Variants in ROCK2 observed in about 807,000 individuals in gnomAD.
ROCK2 encodes Rho associated coiled-coil containing protein kinase 2, also known as rho-associated protein kinase 2.
A neutral mutation model predicts 195.1 loss-of-function variants in ROCK2; 61 were observed. The observed-to-expected ratio is 0.31, with a 90% CI of 0.25 to 0.39. The LOEUF (loss-of-function observed/expected upper bound fraction) is 0.39, where lower values mean the gene tolerates loss of function less well. Ranked by LOEUF, ROCK2 falls within the 10% of genes least tolerant of loss-of-function variation. ROCK2 has a pLI of 1.00. For missense variants in ROCK2, 1,109 were observed against 1,637.4 expected (o/e 0.68, Z 5.57); for synonymous variants, 504 against 545.5 (o/e 0.92, Z 1.06).
At chr2:11,338,229 T>C (rs1012194232) in intron 1 of ROCK2, among the ~76,000 whole-genome samples, 2 of 152,014 alleles carry the variant, frequency 1.3e-5, no homozygotes, top group Non-Finnish European at 2.9e-5. Flanking sequence ...CACAGGCCTG[T>C]AGTCCCTACT....
intron 3 of ROCK2, among the ~76,000 whole-genome samples, chr2:11,259,646 T>C (rs1431686229): frequency 2.1e-5 from 2 of 97,502 alleles, no homozygotes; most frequent in Admixed American, 1.3e-4. Flanking sequence ...TTTTAAATTG[T>C]GTAAAAGTAT....
At chr2:11,316,534 G>A (rs1248762667) in intron 1 of ROCK2, among the ~76,000 whole-genome samples, 1 of 152,092 alleles carries the variant, frequency 6.6e-6, no homozygotes, top group Non-Finnish European at 1.5e-5. Context: ...CATAAACAAA[G>A]ACTTAATTCT....
In ROCK2 at chr2:11,344,336, A is replaced by AGCCCG. The variant is rs76229353; in HGVS notation, c.-205_-201dup. 0.45 allele frequency: 514,441 copies of AGCCCG among 1,148,358 alleles called. 116,182 individuals carry two copies. The highest frequency in any genetic ancestry group is 0.51 in the Admixed American group (10,934 of 21,558). The allele number at this position is 1,148,358 out of a possible 1,614,324, so 71.1% of individuals were successfully genotyped here. A position where few individuals can be genotyped will look rare whatever the true frequency, so the allele number is the denominator to read the frequency against. On this transcript the variant is annotated 5_prime_UTR_variant, in exon 1 of 33. Coordinates refer to ENST00000315872, the MANE Select transcript of ROCK2 (RefSeq NM_004850.5). The surrounding 1 kb of genome is among the most constrained non-coding windows in gnomAD (Gnocchi z 5.4). ...GGGCCCGCCCGGCCCAGCCCGGCCC[A>AGCCCG]GCCCGGCCCGGCCCTGCCGGGAGCG...
In ROCK2 at chr2:11,251,760, T is replaced by C. The variant is rs561257473; in HGVS notation, c.325-1962A>G. Among the ~76,000 whole-genome samples, 8 of 152,064 alleles carry C rather than the reference T, an allele frequency of 5.3e-5. No individual in the cohort carries two copies. The East Asian group carries it at 1.5e-3, about 29-fold the overall frequency. The stretch of plus-strand genomic sequence containing the variant: ...AATGGGAGAAAATTTTTGCAATCTA[T>C]CCAGCTGACAAAGGGCTAATAACCA... On this transcript the variant is annotated intron_variant, in intron 3 of 32. Coordinates refer to ENST00000315872, the MANE Select transcript of ROCK2 (RefSeq NM_004850.5).
At chr2:11,205,637 G>T (rs1664023693) in intron 20 of ROCK2, among the ~76,000 whole-genome samples, 1 of 145,986 alleles carries the variant, frequency 6.8e-6, no homozygotes, top group African/African-American at 2.5e-5. Context: ...TTATGTACCT[G>T]CCTTATCTTC....
intron 25 of ROCK2, 88 bp downstream of exon 25, chr2:11,198,403 G>T: frequency 1.1e-6 from 1 of 919,276 alleles, no homozygotes; most frequent in Non-Finnish European, 1.7e-6. Flanking sequence ...GATGACTACT[G>T]CTACCAATTT....
At chr2:11,204,859 C>A (rs917471996) in intron 20 of ROCK2, among the ~76,000 whole-genome samples, 3 of 152,174 alleles carry the variant, frequency 2.0e-5, no homozygotes, top group African/African-American at 2.4e-5. Flanking sequence ...CAGTTCTCTT[C>A]TACTCCTTGA....
intron 3 of ROCK2, among the ~76,000 whole-genome samples, chr2:11,280,243 C>T (rs1307064533): frequency 6.6e-6 from 1 of 151,930 alleles, no homozygotes; most frequent in Non-Finnish European, 1.5e-5. Flanking sequence ...AAGGCTCTAG[C>T]CAGGTTGGCT....
At chr2:11,341,365 T>C (rs1411505823) in intron 1 of ROCK2, among the ~76,000 whole-genome samples, 4 of 152,196 alleles carry the variant, frequency 2.6e-5, no homozygotes, top group African/African-American at 9.6e-5. Context: ...TAAAACCATT[T>C]TCCTTTGAAA....
chr2:11,193,766 A>C lies in ROCK2; in HGVS notation c.3687+13T>G. On this transcript the variant is annotated intron_variant, in intron 30 of 32. Coordinates refer to ENST00000315872, the MANE Select transcript of ROCK2 (RefSeq NM_004850.5). ...AAAGCCAACCAACCAAATATAAACAAAACTATGTTTACCTGGAATATCCTT... is the reference window on the plus strand; with the variant it reads ...AAAGCCAACCAACCAAATATAAACACAACTATGTTTACCTGGAATATCCTT... 1 of 1,519,722 alleles carries C rather than the reference A, an allele frequency of 6.6e-7. No individual in the cohort carries two copies. 94.1% of individuals were successfully genotyped at this position (1,519,722 alleles called of 1,614,324 possible).
intron 3 of ROCK2, among the ~76,000 whole-genome samples, chr2:11,253,974 C>A (rs909770861): frequency 3.3e-5 from 5 of 152,156 alleles, no homozygotes; most frequent in Non-Finnish European, 5.9e-5. Flanking sequence ...TAAAATGCTA[C>A]GCCTCTTTAA....
chr2:11,287,059 T>C (rs1667218702), intron 2 of ROCK2, among the ~76,000 whole-genome samples: 1 of 152,190 alleles, frequency 6.6e-6, no homozygotes, highest in African/African-American at 2.4e-5. Context: ...TCATACTATA[T>C]AAATAGTAAC....
chr2:11,283,262 C>CAA (rs70953382), intron 3 of ROCK2, among the ~76,000 whole-genome samples: 2 of 136,332 alleles, frequency 1.5e-5, no homozygotes, highest in African/African-American at 5.5e-5. Context: ...GACTCCGTCT[C>CAA]AAAAAAAAAA....
rs373159278 is a variant in ROCK2, at chr2:11,309,413, T to C, written c.142-21677A>G. The stretch of plus-strand genomic sequence containing the variant: ...TATGTACGCGTGTGTGCATATGCAG[T>C]ATACACAAAATAAAGATGGTTTGAT... On this transcript the variant is annotated intron_variant, in intron 1 of 32. Transcript: ENST00000315872. Among the ~76,000 whole-genome samples, 5 of 152,244 alleles carry C rather than the reference T, an allele frequency of 3.3e-5. No individual in the cohort carries two copies. The East Asian group carries it at 5.8e-4, about 18-fold the overall frequency.
intron 3 of ROCK2, among the ~76,000 whole-genome samples, chr2:11,255,351 T>C (rs1305157678): frequency 6.7e-6 from 1 of 149,050 alleles, no homozygotes; most frequent in East Asian, 2.0e-4. Context: ...TGAAAATCAA[T>C]AGTATTCAAA....
chr2:11,282,604 A>G (rs1049351567), intron 3 of ROCK2, among the ~76,000 whole-genome samples: 3 of 104,576 alleles, frequency 2.9e-5, no homozygotes, highest in African/African-American at 8.1e-5. Context: ...GAATATCTAC[A>G]TGCAAAAAAA....
chr2:11,280,706 T>C (rs1666972609), intron 3 of ROCK2, among the ~76,000 whole-genome samples: 1 of 152,080 alleles, frequency 6.6e-6, no homozygotes, highest in South Asian at 2.1e-4. Flanking sequence ...TTCAAAGACA[T>C]AATATGCCAA....
chr2:11,188,623 ATT>A (rs869060690), intron 32 of ROCK2, among the ~76,000 whole-genome samples: 1 of 55,060 alleles, frequency 1.8e-5, no homozygotes, highest in Admixed American at 2.8e-4. Flanking sequence ...TTTTATTTTT[ATT>A]TTTTTATTTT....
At position 11,214,562 on chromosome 2, in the gene ROCK2, T is replaced by C. The variant is rs1664360515; in HGVS notation, c.1937-99A>G. ...CAAGCCACCTTCTATTTTGGAGCTG[T>C]TGTTTGTGAGCAGAAGTTTTATACT... On this transcript the variant is annotated intron_variant, in intron 16 of 32. Transcript: ENST00000315872. The C allele has an allele frequency of 9.5e-6, 7 of 738,880 alleles. No individual in the cohort carries two copies. The East Asian group carries it at 1.8e-4, about 19-fold the overall frequency. The allele number at this position is 738,880 out of a possible 1,614,324, so 45.8% of individuals were successfully genotyped here. A position where few individuals can be genotyped will look rare whatever the true frequency, so the allele number is the denominator to read the frequency against.
Sources: gnomAD v4.1 joint callset for allele counts (sites outside exome capture counted in the v4.1 genomes callset) on GRCh38, gnomAD v4.1.1 for gene constraint, Gnocchi (gnomAD v3.1) non-coding constraint, MANE v1.5 for transcripts, NCBI Gene and HGNC (gene_info 2026-07-23, HGNC 2026-07-21) for gene names.